The following GIPC2 variants were observed in gnomAD, a reference collection of about 807,000 sequenced individuals.
GIPC2 encodes the protein PDZ domain-containing protein GIPC2.
A neutral mutation model predicts 30.6 loss-of-function variants in GIPC2; 30 were observed. That is an observed-to-expected ratio of 0.98 (90% confidence interval 0.73 to 1.33). The LOEUF is 1.33. Among genes scored for constraint, GIPC2 ranks in the 40% most tolerant of loss-of-function variants. GIPC2 has a pLI of 0.00. For missense variants in GIPC2, 414 were observed against 390.3 expected, an observed-to-expected ratio of 1.06 and a Z score of -0.51; for synonymous variants, 167 against 150.0, an observed-to-expected ratio of 1.11 and a Z score of -0.83.
At chr1:78,086,052 G>A (rs1365741210) in intron 2 of GIPC2, among the ~76,000 whole-genome samples, 1 of 151,792 alleles carries the variant, frequency 6.6e-6, no homozygotes, top group African/African-American at 2.4e-5. Flanking sequence ...TTTTTAATGT[G>A]GGCATTATAG....
rs544728144 is a variant in GIPC2, at chr1:78,124,707, T to C, written c.715-1174T>C. Among the ~76,000 whole-genome samples the C allele has an allele frequency of 2.6e-5, 4 of 152,300 alleles. No homozygotes were observed. In the South Asian group the frequency reaches 6.2e-4, roughly 24 times the overall value. On this transcript the variant is annotated intron_variant, in intron 4 of 5. Transcript: ENST00000370759. ...TCTCCTGCTTATCTCCTCTTCATCA[T>C]TGAAAACACAGTTCTTGGCTGGGCG... is the stretch of plus-strand genomic sequence containing the variant.
intron 1 of GIPC2, among the ~76,000 whole-genome samples, chr1:78,068,858 G>A (rs1036263470): frequency 3.3e-5 from 5 of 152,178 alleles, no homozygotes; most frequent in African/African-American, 1.2e-4. Context: ...CACCCAGACT[G>A]GAGCCAGGAG....
chr1:78,091,209 A>G (rs1662030697), intron 2 of GIPC2, among the ~76,000 whole-genome samples: 1 of 152,232 alleles, frequency 6.6e-6, no homozygotes, highest in Non-Finnish European at 1.5e-5. Context: ...AAATGGAATG[A>G]TAAATATCCT....
At chr1:78,050,676 C>T (rs1156479221) in intron 1 of GIPC2, among the ~76,000 whole-genome samples, 1 of 151,404 alleles carries the variant, frequency 6.6e-6, no homozygotes, top group African/African-American at 2.4e-5. Context: ...GCTCTGTCGC[C>T]CAGGCTGGAG....
rs1212634004 is a variant in GIPC2, at chr1:78,138,034, G to T, written c.*2291G>T. ...TTTTTAAATGGAAGATGATTATTTT[G>T]TTTGTTCTTGATTTCCTGTTATTGA... is the stretch of plus-strand genomic sequence containing the variant. On this transcript the variant is annotated 3_prime_UTR_variant, in exon 6 of 6. Coordinates refer to ENST00000370759, the MANE Select transcript of GIPC2 (RefSeq NM_017655.6). 2 of 148,724 alleles carry T rather than the reference G, an allele frequency of 1.3e-5. No individual in the cohort carries two copies. The highest frequency in any genetic ancestry group is 1.5e-5 in the Non-Finnish European group (1 of 67,276). The allele number at this position is 148,724 out of a possible 1,614,324, so 9.2% of individuals were successfully genotyped here. A position where few individuals can be genotyped will look rare whatever the true frequency, so the allele number is the denominator to read the frequency against.
chr1:78,054,753 C>T (rs1661255931), intron 1 of GIPC2, among the ~76,000 whole-genome samples: 1 of 152,142 alleles, frequency 6.6e-6, no homozygotes, highest in Non-Finnish European at 1.5e-5. Flanking sequence ...AGAATCCAAC[C>T]AGCTGCCTTA....
intron 4 of GIPC2, among the ~76,000 whole-genome samples, chr1:78,125,206 T>A (rs902759373): frequency 6.6e-6 from 1 of 152,056 alleles, no homozygotes; most frequent in Admixed American, 6.6e-5. Context: ...ACTTTTAAAT[T>A]AAATTAATTA....
intron 1 of GIPC2, among the ~76,000 whole-genome samples, chr1:78,055,594 G>T (rs1386851887): frequency 6.6e-6 from 1 of 152,016 alleles, no homozygotes; most frequent in Non-Finnish European, 1.5e-5. Flanking sequence ...TCTTGACTTT[G>T]CTCCTCCCAT....
intron 1 of GIPC2, among the ~76,000 whole-genome samples, chr1:78,070,473 A>G (rs1661596843): frequency 6.6e-6 from 1 of 152,202 alleles, no homozygotes; most frequent in Non-Finnish European, 1.5e-5. Flanking sequence ...TTATTAGACT[A>G]GGATAAGCTC....
chr1:78,080,449 C>T lies in GIPC2; in HGVS notation c.241-226C>T, dbSNP rs534322828. ...AGTGAGATAATGGGATGTAAATTGT[C>T]TAGCGTGAAGCCTGGCCTACAGGAA... On this transcript the variant is annotated intron_variant, in intron 1 of 5. Transcript: ENST00000370759. 1.1e-4 allele frequency among the ~76,000 whole-genome samples: 17 copies of T among 152,286 alleles called. No homozygotes were observed. In the South Asian group the frequency reaches 1.4e-3, roughly 13 times the overall value.
chr1:78,108,413 C>T (rs534241853), intron 3 of GIPC2, among the ~76,000 whole-genome samples: 1 of 152,328 alleles, frequency 6.6e-6, no homozygotes, highest in Admixed American at 6.5e-5. Flanking sequence ...TATTGCACTT[C>T]TGATATGCAT....
At chr1:78,071,063 G>T (rs1661608721) in intron 1 of GIPC2, among the ~76,000 whole-genome samples, 1 of 152,014 alleles carries the variant, frequency 6.6e-6, no homozygotes, top group Admixed American at 6.6e-5. Context: ...GTCTTTTCCA[G>T]CCTGTGAAAC....
At chr1:78,073,084 C>A (rs1204849595) in intron 1 of GIPC2, among the ~76,000 whole-genome samples, 1 of 150,720 alleles carries the variant, frequency 6.6e-6, no homozygotes, top group African/African-American at 2.4e-5. Context: ...GTTAGGATCA[C>A]AGGCATGAGC....
chr1:78,047,544 A>G (rs985654180), intron 1 of GIPC2, among the ~76,000 whole-genome samples: 7 of 151,934 alleles, frequency 4.6e-5, no homozygotes, highest in Non-Finnish European at 1.0e-4. Context: ...TTCAAAAAAC[A>G]CTTTCACAGG....
chr1:78,113,211 A>G (rs998610305), intron 3 of GIPC2, among the ~76,000 whole-genome samples: 2 of 151,752 alleles, frequency 1.3e-5, no homozygotes, highest in African/African-American at 4.9e-5. Context: ...TGTGGGTTCT[A>G]TTTCATTAAA....
chr1:78,131,025 T>C (rs369760994), intron 5 of GIPC2, among the ~76,000 whole-genome samples: 16 of 152,204 alleles, frequency 1.1e-4, no homozygotes, highest in African/African-American at 3.6e-4. Context: ...CTTTTTGAGA[T>C]GGGGTCTCAC....
intron 3 of GIPC2, among the ~76,000 whole-genome samples, chr1:78,108,917 A>G (rs1662412402): frequency 6.6e-6 from 1 of 152,168 alleles, no homozygotes; most frequent in South Asian, 2.1e-4. Flanking sequence ...AAACTGGCTT[A>G]AGCAGAAACG....
intron 1 of GIPC2, among the ~76,000 whole-genome samples, chr1:78,059,707 G>T (rs1661357375): frequency 6.6e-6 from 1 of 152,102 alleles, no homozygotes; most frequent in Non-Finnish European, 1.5e-5. Context: ...GGAGGTTGAG[G>T]CTGCAGTGAG....
intron 2 of GIPC2, among the ~76,000 whole-genome samples, chr1:78,090,863 C>T (rs1662023788): frequency 6.6e-6 from 1 of 152,104 alleles, no homozygotes; most frequent in Non-Finnish European, 1.5e-5. Flanking sequence ...CCAGAATAGA[C>T]ATGATGATTT....
Sources: allele counts gnomAD v4.1 joint callset (sites outside exome capture counted in the v4.1 genomes callset), GRCh38; gene constraint gnomAD v4.1.1; transcripts MANE v1.5; gene names NCBI Gene and HGNC (gene_info 2026-07-23, HGNC 2026-07-21).